ABCB1: variants seen among roughly 807,000 people sequenced by gnomAD.
The protein encoded by ABCB1 is ATP binding cassette subfamily B member 1.
ABCB1 carries 69 observed loss-of-function variants against 142.0 expected under a neutral mutation model. That is an observed-to-expected ratio of 0.49 (90% confidence interval 0.40 to 0.59). The LOEUF is 0.59. Among genes scored for constraint, ABCB1 ranks in the 20% least tolerant of loss-of-function variants. The pLI is 0.00. For synonymous variants in ABCB1, 532 were observed against 539.2 expected (o/e 0.99, Z 0.18); for missense variants, 1,326 against 1,554.7 (o/e 0.85, Z 2.47).
At chr7:87,604,361 A>G (rs1819571889), upstream of ABCB1, among the ~76,000 whole-genome samples, 1 of 152,170 alleles carries the variant, frequency 6.6e-6, no homozygotes, top group Admixed American at 6.5e-5. Flanking sequence ...GCAGAGAAAG[A>G]ATACAAGTTT....
chr7:87,530,058 A>T (rs2117124482), intron 21 of ABCB1, among the ~76,000 whole-genome samples: 1 of 152,344 alleles, frequency 6.6e-6, no homozygotes, highest in Admixed American at 6.5e-5. Context: ...GAGTCTGAAG[A>T]GATAGCAGAG....
chr7:87,704,857 C>T (rs548261291), intron 1 of ABCB1, among the ~76,000 whole-genome samples: 3 of 152,326 alleles, frequency 2.0e-5, no homozygotes, highest in East Asian at 3.9e-4. Flanking sequence ...TCACATCTCA[C>T]GTCTCTGGAT....
At position 87,596,591 on chromosome 7, in the gene ABCB1, T is replaced by C. The variant is rs1459443271; in HGVS notation, c.69-777A>G. Among the ~76,000 whole-genome samples, 1 of 152,028 alleles carries C rather than the reference T, an allele frequency of 6.6e-6. No individual in the cohort carries two copies. The highest frequency in any genetic ancestry group is 1.5e-5 in the Non-Finnish European group (1 of 67,928). On this transcript the variant is annotated intron_variant, in intron 2 of 27. Coordinates refer to ENST00000622132, the MANE Select transcript of ABCB1 (RefSeq NM_001348946.2). Reference sequence around the variant, plus strand: ...GTGAAAGCAAACCAACCGTAACAAATCTGCCTCATCTGTATTTTTGTAGGT... The same window carrying C: ...GTGAAAGCAAACCAACCGTAACAAACCTGCCTCATCTGTATTTTTGTAGGT...
At chr7:87,553,354 T>C (rs1435842679) in intron 9 of ABCB1, among the ~76,000 whole-genome samples, 1 of 146,378 alleles carries the variant, frequency 6.8e-6, no homozygotes, top group East Asian at 2.0e-4. Context: ...ACAGTCTTGC[T>C]GTGTCACCCA....
At chr7:87,542,896 TC>T (rs1816603189) in intron 17 of ABCB1, among the ~76,000 whole-genome samples, 1 of 152,120 alleles carries the variant, frequency 6.6e-6, no homozygotes, top group Non-Finnish European at 1.5e-5. Context: ...ATATTTACCA[TC>T]TTACTGTTAA....
intron 4 of ABCB1, among the ~76,000 whole-genome samples, chr7:87,576,628 G>A (rs1818283922): frequency 6.6e-6 from 1 of 151,728 alleles, no homozygotes; most frequent in East Asian, 1.9e-4. Context: ...CTCAAGGCTT[G>A]GGGCTCCCAT....
intron 25 of ABCB1, among the ~76,000 whole-genome samples, chr7:87,513,884 G>A (rs1263921312): frequency 1.3e-5 from 2 of 152,174 alleles, no homozygotes; most frequent in African/African-American, 4.8e-5. Context: ...CATAATCAGT[G>A]TCTGAGAGCT....
chr7:87,603,338 A>G (rs1819532829), upstream of ABCB1, among the ~76,000 whole-genome samples: 1 of 152,214 alleles, frequency 6.6e-6, no homozygotes, highest in South Asian at 2.1e-4. Flanking sequence ...GCCCAGTCAC[A>G]CAGCAGGTAA....
chr7:87,630,705 T>C (rs985605694), intron 1 of ABCB1, among the ~76,000 whole-genome samples: 1 of 151,762 alleles, frequency 6.6e-6, no homozygotes, highest in Non-Finnish European at 1.5e-5. Context: ...TTTTTTTCTT[T>C]CAAATTCTCA....
At chr7:87,575,587 C>CTCT (rs1350705358) in intron 4 of ABCB1, among the ~76,000 whole-genome samples, 13 of 151,958 alleles carry the variant, frequency 8.6e-5, no homozygotes, top group Non-Finnish European at 1.3e-4. Flanking sequence ...CAATAAACTA[C>CTCT]TCTTCTTGTG....
intron 25 of ABCB1, among the ~76,000 whole-genome samples, chr7:87,514,058 A>AATAAAGG (rs1296052463): frequency 2.6e-5 from 4 of 152,352 alleles, no homozygotes; most frequent in Middle Eastern, 3.4e-3. Context: ...GAGTAAACTG[A>AATAAAGG]ATAAAGGCAT....
At chr7:87,619,781 T>C (rs1323593453) in intron 1 of ABCB1, among the ~76,000 whole-genome samples, 1 of 150,644 alleles carries the variant, frequency 6.6e-6, no homozygotes, top group Admixed American at 6.6e-5. Flanking sequence ...TATATATATA[T>C]GAATAAACTG....
At chr7:87,613,774 A>C (rs555048448) in intron 1 of ABCB1, among the ~76,000 whole-genome samples, 1 of 152,338 alleles carries the variant, frequency 6.6e-6, no homozygotes, top group African/African-American at 2.4e-5. Context: ...GGGATCTTTC[A>C]TAACCTTAAC....
At chr7:87,516,936 TA>T (rs1815280425) in intron 23 of ABCB1, among the ~76,000 whole-genome samples, 1 of 151,850 alleles carries the variant, frequency 6.6e-6, no homozygotes, top group Non-Finnish European at 1.5e-5. Flanking sequence ...GGGGTCTCCC[TA>T]TATTGCCCAG....
rs1447894773 is a variant in ABCB1 at position 87,515,396 on chromosome 7, T to C, written c.3117A>G (p.Glu1039=). The change falls in exon 25 of 28, where the codon GAA becomes GAG. Residue 1039 remains glutamate, a synonymous_variant. Coordinates refer to ENST00000622132, the MANE Select transcript of ABCB1 (RefSeq NM_001348946.2). ...GTCGGGTGGGATAGTTGAATACAAC[T>C]TCACCAAATGTGACATTTCCTTCCA... The part of the protein sequence containing the change: ...NTLEGNVTFG[E]VVFNYPTRPD... 6.2e-7 allele frequency: 1 copy of C among 1,614,120 alleles called. No individual in the cohort carries two copies. The highest frequency in any genetic ancestry group is 8.5e-7 in the Non-Finnish European group (1 of 1,180,012).
At chr7:87,655,104 A>C (rs148659827) in intron 1 of ABCB1, among the ~76,000 whole-genome samples, 1 of 152,148 alleles carries the variant, frequency 6.6e-6, no homozygotes, top group Non-Finnish European at 1.5e-5. Context: ...CAGCCATTAC[A>C]GAAAACATTA....
At chr7:87,568,498 G>A (rs1410814132) in intron 5 of ABCB1, among the ~76,000 whole-genome samples, 1 of 151,618 alleles carries the variant, frequency 6.6e-6, no homozygotes, top group Non-Finnish European at 1.5e-5. Context: ...ATAAAATACA[G>A]TATTCCAATA....
intron 22 of ABCB1, 46 bp from the exon 23 acceptor site, chr7:87,519,512 TC>T: frequency 6.2e-7 from 1 of 1,612,110 alleles, no homozygotes; most frequent in Non-Finnish European, 8.5e-7. Flanking sequence ...CATTTCTCAG[TC>T]CTTAAAATGT....
chr7:87,541,030 G>A (rs775678639), intron 18 of ABCB1, among the ~76,000 whole-genome samples: 56 of 152,056 alleles, frequency 3.7e-4, no homozygotes, highest in Non-Finnish European at 7.1e-4. Context: ...TACATTTACT[G>A]GCAATACTTA....
Sources: allele counts gnomAD v4.1 joint callset (sites outside exome capture counted in the v4.1 genomes callset), GRCh38; gene constraint gnomAD v4.1.1; transcripts MANE v1.5; gene names NCBI Gene and HGNC (gene_info 2026-07-23, HGNC 2026-07-21).